Variants in TDRD12 observed in about 807,000 individuals in gnomAD.
TDRD12 encodes putative ATP-dependent RNA helicase TDRD12.
A neutral mutation model predicts 133.5 loss-of-function variants in TDRD12; 158 were observed. That is an observed-to-expected ratio of 1.18 (90% confidence interval 1.04 to 1.35). The LOEUF (loss-of-function observed/expected upper bound fraction) is 1.35, where lower values mean the gene tolerates loss of function less well. Among genes scored for constraint, TDRD12 ranks in the 40% most tolerant of loss-of-function variants. TDRD12 has a pLI of 0.00. For synonymous variants in TDRD12, 460 were observed against 477.9 expected (o/e 0.96, Z 0.49); for missense variants, 1,443 against 1,321.3 (o/e 1.09, Z -1.43).
intron 10 of TDRD12, among the ~76,000 whole-genome samples, chr19:32,775,119 C>T (rs544754147): frequency 6.6e-6 from 1 of 152,012 alleles, no homozygotes; most frequent in South Asian, 2.1e-4. Context: ...TTTTCTGCAC[C>T]AATCTTTTTC....
At chr19:32,806,818 T>C (rs1232110317) in intron 21 of TDRD12, among the ~76,000 whole-genome samples, 4 of 151,898 alleles carry the variant, frequency 2.6e-5, no homozygotes, top group Non-Finnish European at 5.9e-5. Context: ...CCTGCCACCA[T>C]GCGCAGCTAA....
intron 1 of TDRD12, 131 bp from the exon 2 acceptor site, chr19:32,731,588 ACCATTT>A (rs1969056020): frequency 1.4e-6 from 1 of 737,008 alleles, no homozygotes; most frequent in Non-Finnish European, 2.1e-6. Context: ...CTTCGGTCTA[ACCATTT>A]AAGCAAAGGC....
In TDRD12 at chr19:32,780,367, A is replaced by G. The variant is rs887081804; in HGVS notation, c.1121+3138A>G. ...TTCCCAAAGTGCTGGGATTACAGGCATGAGCCACTGCACCTGGCCCAAATA... is the reference window on the plus strand; with the variant it reads ...TTCCCAAAGTGCTGGGATTACAGGCGTGAGCCACTGCACCTGGCCCAAATA... On this transcript the variant is annotated intron_variant, in intron 11 of 27. Transcript: ENST00000444215. Among the ~76,000 whole-genome samples, 5 of 152,288 alleles carry G rather than the reference A, an allele frequency of 3.3e-5. No homozygotes were observed. The East Asian group carries it at 9.6e-4, about 29-fold the overall frequency.
At position 32,790,520 on chromosome 19, in the gene TDRD12, C is replaced by G; in HGVS notation, c.1122-11C>G. 1.9e-6 allele frequency: 3 copies of G among 1,550,288 alleles called. No homozygotes were observed. Among genetic ancestry groups the G allele is most frequent in the Non-Finnish European group, 2.6e-6 (3 of 1,146,296 alleles). On this transcript the variant is annotated splice_polypyrimidine_tract_variant and intron_variant, in intron 11 of 27. Transcript: ENST00000444215. ...CTTTTTCTTCACATTCTTCTTTTAACTATCTTACAGATTACTGCAGTTTTT... is the reference window on the plus strand; with the variant it reads ...CTTTTTCTTCACATTCTTCTTTTAAGTATCTTACAGATTACTGCAGTTTTT...
chr19:32,764,267 C>A (rs1245253099), intron 8 of TDRD12, among the ~76,000 whole-genome samples: 1 of 151,936 alleles, frequency 6.6e-6, no homozygotes, highest in Admixed American at 6.6e-5. Context: ...CCTGCCACCA[C>A]ACCTGGCTAA....
chr19:32,758,434 A>C (rs1955862935), intron 8 of TDRD12, among the ~76,000 whole-genome samples: 1 of 152,220 alleles, frequency 6.6e-6, no homozygotes, highest in African/African-American at 2.4e-5. Context: ...GACATCAATC[A>C]GAGGAAAAAA....
At chr19:32,724,956 C>G (rs1360349860) in intron 1 of TDRD12, among the ~76,000 whole-genome samples, 1 of 152,148 alleles carries the variant, frequency 6.6e-6, no homozygotes, top group Non-Finnish European at 1.5e-5. Context: ...TTGCATTTCT[C>G]TAATGATCAG....
chr19:32,811,345 A>G, exon 24 of TDRD12: 1 of 1,536,018 alleles, frequency 6.5e-7, no homozygotes, highest in Non-Finnish European at 8.7e-7. Flanking sequence ...ATTTCCACAC[A>G]CTTCCCCCGC....
At chr19:32,778,831 C>T (rs987197224) in intron 11 of TDRD12, among the ~76,000 whole-genome samples, 5 of 152,154 alleles carry the variant, frequency 3.3e-5, no homozygotes, top group African/African-American at 9.7e-5. Flanking sequence ...CTTTTATTTT[C>T]GTATTAAAAA....
rs1970407507 is a variant in TDRD12, at chr19:32,770,195, CAG to C, written c.866-2557_866-2556del. 2.0e-5 allele frequency among the ~76,000 whole-genome samples: 3 copies of C among 152,048 alleles called. No homozygotes were observed. In the South Asian group the frequency reaches 6.2e-4, roughly 32 times the overall value. On this transcript the variant is annotated intron_variant, in intron 8 of 27. Transcript: ENST00000444215. ...CTAATTTTTGTATTTTTAGTAGAGA[CAG>C]GGTTTCACCATGTTGGCTGGGCTGG...
At chr19:32,743,514 C>T (rs1457583308) in intron 4 of TDRD12, among the ~76,000 whole-genome samples, 1 of 152,072 alleles carries the variant, frequency 6.6e-6, no homozygotes, top group Non-Finnish European at 1.5e-5. Context: ...TCCCAAAGTG[C>T]TGGGATTCCA....
At chr19:32,757,413 G>T (rs1407445129) in intron 8 of TDRD12, among the ~76,000 whole-genome samples, 1 of 152,180 alleles carries the variant, frequency 6.6e-6, no homozygotes, top group Non-Finnish European at 1.5e-5. Context: ...TGTCCCTAGA[G>T]TGTACATATG....
At chr19:32,777,153 T>G in exon 11 of TDRD12, 2 of 1,540,192 alleles carry the variant, frequency 1.3e-6, no homozygotes, top group Non-Finnish European at 1.8e-6. Flanking sequence ...TTCTAGTGCT[T>G]TAAGTCAGAA....
exon 10 of TDRD12, chr19:32,827,372 C>CTTTTCTTTTCTTT (rs61327156): frequency 0.01 from 1,265 of 122,346 alleles, 67 homozygotes; most frequent in African/African-American, 0.037. Flanking sequence ...CTTTTCTTTT[C>CTTTTCTTTTCTTT]TTTTTTTTTT....
intron 11 of TDRD12, among the ~76,000 whole-genome samples, chr19:32,779,529 A>T (rs2145624636): frequency 6.6e-6 from 1 of 152,228 alleles, no homozygotes; most frequent in South Asian, 2.1e-4. Flanking sequence ...GTAGCAGAGG[A>T]AGTGGCGGGG....
chr19:32,826,452 G>A (rs1599639014), exon 9 of TDRD12: 1 of 1,247,850 alleles, frequency 8.0e-7, no homozygotes, highest in East Asian at 3.1e-5. Flanking sequence ...CAGTGCTTGG[G>A]TGGGAGACAA....
At chr19:32,792,845 A>G (rs1234666244) in intron 13 of TDRD12, among the ~76,000 whole-genome samples, 1 of 152,178 alleles carries the variant, frequency 6.6e-6, no homozygotes, top group Admixed American at 6.5e-5. Flanking sequence ...ACCAGGAATC[A>G]GAATGGCTTC....
chr19:32,765,657 A>G (rs1025870177), intron 8 of TDRD12, among the ~76,000 whole-genome samples: 2 of 143,208 alleles, frequency 1.4e-5, no homozygotes, highest in Non-Finnish European at 3.0e-5. Flanking sequence ...CAAACACCAC[A>G]TGTTCTCACT....
chr19:32,755,773 T>C (rs767868891), intron 6 of TDRD12, among the ~76,000 whole-genome samples: 2 of 152,236 alleles, frequency 1.3e-5, no homozygotes, highest in Non-Finnish European at 2.9e-5. Flanking sequence ...CAAGAAGACA[T>C]CTCATGTGTT....
Sources: allele counts gnomAD v4.1 joint callset (sites outside exome capture counted in the v4.1 genomes callset), GRCh38; gene constraint gnomAD v4.1.1; transcripts MANE v1.5; gene names NCBI Gene and HGNC (gene_info 2026-07-23, HGNC 2026-07-21).